The following PLS1 variants were observed in gnomAD, a reference collection of about 807,000 sequenced individuals.
The protein encoded by PLS1 is plastin-1.
Under a neutral mutation model 73.7 loss-of-function variants are expected in PLS1, and 32 were observed. The observed-to-expected ratio is 0.43, with a 90% CI of 0.33 to 0.58. The LOEUF (loss-of-function observed/expected upper bound fraction) is 0.58. Ranked by LOEUF, PLS1 falls within the 20% of genes least tolerant of loss-of-function variation. The pLI is 0.04. For synonymous variants in PLS1, 217 were observed against 261.3 expected (o/e 0.83, Z 1.63); for missense variants, 633 against 740.5 (o/e 0.85, Z 1.68).
chr3:142,605,528 G>A (rs1002162058), intron 1 of PLS1, among the ~76,000 whole-genome samples: 1 of 152,140 alleles, frequency 6.6e-6, no homozygotes, highest in African/African-American at 2.4e-5. Flanking sequence ...GTGCCACCAT[G>A]CCCAGCTAAT....
rs1933204079 is a variant in PLS1, at chr3:142,712,973, C to T, written c.*966C>T. ...ACATCCCAAGATATGCTGACACTGT[C>T]CTGTTAGCTTCATATTATACTTGCT... On this transcript the variant is annotated 3_prime_UTR_variant, in exon 16 of 16. Coordinates refer to ENST00000457734, the MANE Select transcript of PLS1 (RefSeq NM_001145319.2). The T allele has an allele frequency of 6.6e-6, 1 of 152,546 alleles. No homozygotes were observed. The highest frequency in any genetic ancestry group is 1.5e-5 in the Non-Finnish European group (1 of 67,998). The allele number at this position is 152,546 out of a possible 1,614,324, so 9.4% of individuals were successfully genotyped here. A position where few individuals can be genotyped will look rare whatever the true frequency, so the allele number is the denominator to read the frequency against.
At chr3:142,600,073 C>A (rs931897212) in intron 1 of PLS1, among the ~76,000 whole-genome samples, 1 of 152,122 alleles carries the variant, frequency 6.6e-6, no homozygotes, top group Non-Finnish European at 1.5e-5. Context: ...GAGTTGGTAG[C>A]AAGACACTCC....
Position 142,713,632 on chromosome 3 carries a change from G to A in PLS1, c.*1625G>A, listed in dbSNP as rs1022415133. On this transcript the variant is annotated 3_prime_UTR_variant, in exon 16 of 16. Coordinates refer to ENST00000457734, the MANE Select transcript of PLS1 (RefSeq NM_001145319.2). ...TTTAGGGTGTTCTTTTTCTCACAGA[G>A]TATATTTAATAAAAATGCTGTGTAT... is the stretch of plus-strand genomic sequence containing the variant. 6.6e-6 allele frequency: 1 copy of A among 152,198 alleles called. No individual in the cohort carries two copies. The allele number at this position is 152,198 out of a possible 1,614,324, so 9.4% of individuals were successfully genotyped here.
intron 14 of PLS1, among the ~76,000 whole-genome samples, chr3:142,709,686 C>G (rs78430785): frequency 2.6e-5 from 4 of 151,726 alleles, no homozygotes; most frequent in Non-Finnish European, 5.9e-5. Flanking sequence ...GTGTGGTGGC[C>G]GGCGCCTGTA....
chr3:142,600,621 A>G (rs1448926377), intron 1 of PLS1, among the ~76,000 whole-genome samples: 1 of 152,032 alleles, frequency 6.6e-6, no homozygotes, highest in African/African-American at 2.4e-5. Flanking sequence ...CAGATGTTGC[A>G]TTTTGCAAAT....
At chr3:142,685,577 A>C (rs920699778) in intron 8 of PLS1, among the ~76,000 whole-genome samples, 2 of 152,140 alleles carry the variant, frequency 1.3e-5, no homozygotes, top group Non-Finnish European at 2.9e-5. Context: ...GCTCCTCCAC[A>C]AGGCCTCTCT....
chr3:142,600,892 ATATATATATATATATATATATATATTTT>A (rs1192732649), intron 1 of PLS1, among the ~76,000 whole-genome samples: 2 of 21,722 alleles, frequency 9.2e-5, no homozygotes, highest in African/African-American at 6.2e-4. Context: ...ATATATATAT[ATATATATATATATATATATATATATTTT>A]TTTTTTTTTT....
intron 4 of PLS1, among the ~76,000 whole-genome samples, chr3:142,671,500 G>A (rs1272411319): frequency 6.6e-6 from 1 of 152,052 alleles, no homozygotes; most frequent in Admixed American, 6.5e-5. Context: ...TTAGACCTGA[G>A]CTAGGAATGG....
In PLS1 at chr3:142,604,375, T is replaced by C. The variant is rs563969104; in HGVS notation, c.-37+7866T>C. On this transcript the variant is annotated intron_variant, in intron 1 of 15. Transcript: ENST00000457734. ...TTCCTGGAGAGCACTCTGAATTCTT[T>C]CCTGGCGGTCTCCCTTTTCCTTCCC... is the stretch of plus-strand genomic sequence containing the variant. Among the ~76,000 whole-genome samples, 284 of 152,352 alleles carry C rather than the reference T, an allele frequency of 1.9e-3. 1 individual carries two copies. Among genetic ancestry groups the C allele is most frequent in the African/African-American group, 6.2e-3 (259 of 41,586 alleles).
rs978210583 is a variant in PLS1 at position 142,660,195 on chromosome 3, C to T, written c.-36-4007C>T. ...GAAACAACCCTGAATTGCCATGAGACTAACAACGTAAAAATCACAACTGTT... is the reference window on the plus strand; with the variant it reads ...GAAACAACCCTGAATTGCCATGAGATTAACAACGTAAAAATCACAACTGTT... On this transcript the variant is annotated intron_variant, in intron 1 of 15. Coordinates refer to ENST00000457734, the MANE Select transcript of PLS1 (RefSeq NM_001145319.2). Among the ~76,000 whole-genome samples, 5 of 152,228 alleles carry T rather than the reference C, an allele frequency of 3.3e-5. No individual in the cohort carries two copies. The East Asian group carries it at 5.8e-4, about 18-fold the overall frequency.
chr3:142,616,237 G>GA (rs1039094900), intron 1 of PLS1, among the ~76,000 whole-genome samples: 4 of 152,062 alleles, frequency 2.6e-5, no homozygotes, highest in Non-Finnish European at 5.9e-5. Context: ...ATAGTTTGAG[G>GA]AAAAAATGCA....
intron 4 of PLS1, among the ~76,000 whole-genome samples, chr3:142,672,669 C>G (rs1471958998): frequency 6.6e-6 from 1 of 152,046 alleles, no homozygotes; most frequent in African/African-American, 2.4e-5. Flanking sequence ...AAGTATATGG[C>G]TTGATGATTT....
intron 1 of PLS1, among the ~76,000 whole-genome samples, chr3:142,604,073 A>G (rs1387383052): frequency 6.6e-6 from 1 of 152,212 alleles, no homozygotes. Context: ...AGATGTTTAT[A>G]TTAAAAAAAT....
At chr3:142,652,811 C>T (rs2037127994) in intron 1 of PLS1, among the ~76,000 whole-genome samples, 1 of 152,190 alleles carries the variant, frequency 6.6e-6, no homozygotes, top group African/African-American at 2.4e-5. Flanking sequence ...TTTTGGCATG[C>T]TGATTTAACC....
At chr3:142,652,586 G>A (rs776264414) in intron 1 of PLS1, among the ~76,000 whole-genome samples, 4 of 152,114 alleles carry the variant, frequency 2.6e-5, no homozygotes, top group Admixed American at 6.5e-5. Context: ...AGTAGGAGGC[G>A]GGGGAACCAA....
chr3:142,678,422 CT>C (rs1460268703), intron 6 of PLS1, among the ~76,000 whole-genome samples: 1 of 110,118 alleles, frequency 9.1e-6, no homozygotes, highest in African/African-American at 3.4e-5. Flanking sequence ...TCCCTCCCCC[CT>C]CCCCCCACCC....
At chr3:142,616,376 A>G (rs537050513) in intron 1 of PLS1, among the ~76,000 whole-genome samples, 25 of 152,338 alleles carry the variant, frequency 1.6e-4, no homozygotes, top group African/African-American at 4.1e-4. Context: ...AAGAGAAAGA[A>G]CACTAAATGA....
chr3:142,623,704 C>T (rs1467398098), intron 1 of PLS1: 1 of 152,108 alleles, frequency 6.6e-6, no homozygotes, highest in Admixed American at 6.6e-5. Context: ...CTCTAGATGG[C>T]TTTGCATAAT....
At chr3:142,616,851 C>T (rs907957860) in intron 1 of PLS1, among the ~76,000 whole-genome samples, 1 of 152,154 alleles carries the variant, frequency 6.6e-6, no homozygotes, top group Non-Finnish European at 1.5e-5. Flanking sequence ...ATCCATCAGC[C>T]CAGGCCTCCC....
Sources: gnomAD v4.1 joint callset for allele counts (sites outside exome capture counted in the v4.1 genomes callset) on GRCh38, gnomAD v4.1.1 for gene constraint, MANE v1.5 for transcripts, NCBI Gene and HGNC (gene_info 2026-07-23, HGNC 2026-07-21) for gene names.